The following KDM3B variants were observed in gnomAD, a reference collection of about 807,000 sequenced individuals.
KDM3B encodes the protein lysine demethylase 3B, also known as lysine-specific demethylase 3B.
In KDM3B, 10 loss-of-function variants were observed where a neutral mutation model predicts 170.0. The ratio of observed to expected loss-of-function variants is 0.06; its 90% CI spans 0.04 to 0.10. KDM3B has a LOEUF of 0.10. Ranked by LOEUF, KDM3B falls within the 10% of genes least tolerant of loss-of-function variation. KDM3B has a pLI of 1.00. For synonymous variants in KDM3B, 831 were observed against 834.8 expected, an observed-to-expected ratio of 1.00 and a Z score of 0.08; for missense variants, 1,394 against 2,195.2, an observed-to-expected ratio of 0.64 and a Z score of 7.29.
chr5:138,391,529 C>G lies in KDM3B; in HGVS notation c.1897C>G (p.Pro633Ala), dbSNP rs751487871. Residue 633 changes from proline (P) to alanine (A), a missense_variant, in exon 8 of 24, where the codon CCT becomes GCT. By Grantham distance (27) the Pro-to-Ala change is conservative. Around this residue, in one of 19 missense-constraint regions of KDM3B, gnomAD observed 294 missense variants for 311.7 expected, o/e 0.94. Transcript: ENST00000314358. The surrounding 1 kb of genome is among the most constrained non-coding windows in gnomAD (Gnocchi z 5.0). ...LQPPKLSREE[P>A]SNPFLAFVEK... ...GCCCCCCAAATTGTCCCGAGAAGAG[C>G]CTTCTAATCCTTTCCTGGCATTTGT... 1 of 1,613,908 alleles carries G rather than the reference C, an allele frequency of 6.2e-7. No homozygotes were observed. The highest frequency in any genetic ancestry group is 1.7e-5 in the Admixed American group (1 of 59,994).
In KDM3B at chr5:138,391,173, A is replaced by G; in HGVS notation, c.1541A>G (p.Glu514Gly). The change falls in exon 8 of 24, where the codon GAG becomes GGG. Residue 514 changes from glutamate to glycine, a missense_variant. Transcript: ENST00000314358. The surrounding 1 kb of genome is among the most constrained non-coding windows in gnomAD (Gnocchi z 5.0). Reference sequence around the variant, plus strand: ...TCTTTTGGCTGTAGCTCTGCACAAGAGGCACAGAAAGACACTGATCTCTCC... The same window carrying G: ...TCTTTTGGCTGTAGCTCTGCACAAGGGGCACAGAAAGACACTGATCTCTCC... ...GFSFGCSSAQ[E>G]AQKDTDLSKN... The G allele has an allele frequency of 6.2e-7, 1 of 1,614,168 alleles. No homozygotes were observed. Among genetic ancestry groups the G allele is most frequent in the Non-Finnish European group, 8.5e-7 (1 of 1,180,012 alleles).
At chr5:138,431,366 C>G (rs1448571078) in intron 22 of KDM3B, 59 bp from the exon 23 acceptor site, 1 of 1,387,036 alleles carries the variant, frequency 7.2e-7, no homozygotes, top group Non-Finnish European at 9.7e-7. Context: ...TGGACATTTT[C>G]CATATGTTAT....
rs746437454 is a variant in KDM3B at position 138,429,817 on chromosome 5, T to C, written c.4754-9T>C. On this transcript the variant is annotated splice_polypyrimidine_tract_variant and intron_variant, in intron 20 of 23. Coordinates refer to ENST00000314358, the MANE Select transcript of KDM3B (RefSeq NM_016604.4). ...GACTACATTGAAAGTGTCATTTTGCTCTTTTCAGAGGTACTCAAGACAATT... is the reference window on the plus strand; with the variant it reads ...GACTACATTGAAAGTGTCATTTTGCCCTTTTCAGAGGTACTCAAGACAATT... The C allele has an allele frequency of 1.9e-6, 3 of 1,613,540 alleles. No individual in the cohort carries two copies. Among genetic ancestry groups the C allele is most frequent in the Non-Finnish European group, 2.5e-6 (3 of 1,179,606 alleles).
intron 20 of KDM3B, 117 bp downstream of exon 20, chr5:138,428,203 C>CTT: frequency 2.9e-6 from 3 of 1,030,480 alleles, no homozygotes; most frequent in South Asian, 3.6e-5. Flanking sequence ...TTTCTTTTTT[C>CTT]TGTTTTTTTT....
At position 138,395,673 on chromosome 5, in the gene KDM3B, A is replaced by G. The variant is rs146405697; in HGVS notation, c.2831+2301A>G. On this transcript the variant is annotated intron_variant, in intron 9 of 23. Coordinates refer to ENST00000314358, the MANE Select transcript of KDM3B (RefSeq NM_016604.4). ...GCCCTGTTGCCCAGGCTGGAGTGCA[A>G]TGGCGTGGTCTTGGCTCACTGCAAC... Among the ~76,000 whole-genome samples the G allele has an allele frequency of 9.6e-3, 1,450 of 151,636 alleles. 31 individuals carry two copies. The highest frequency in any genetic ancestry group is 0.033 in the African/African-American group (1,359 of 41,354).
At chr5:138,387,892 T>A (rs546017574) in intron 7 of KDM3B, among the ~76,000 whole-genome samples, 1 of 152,026 alleles carries the variant, frequency 6.6e-6, no homozygotes, top group Non-Finnish European at 1.5e-5. Flanking sequence ...CCATCCTGGC[T>A]AACACGGTGA....
At chr5:138,382,167 G>A (rs1056578061) in intron 6 of KDM3B, among the ~76,000 whole-genome samples, 4 of 152,166 alleles carry the variant, frequency 2.6e-5, no homozygotes, top group Non-Finnish European at 5.9e-5. Flanking sequence ...AGCTCTCTGG[G>A]CCAGGTGCAG....
rs1580866566 is a variant in KDM3B at position 138,353,045 on chromosome 5, T to TC, written c.192+62dup. 6.5e-6 allele frequency: 3 copies of TC among 462,758 alleles called. No individual in the cohort carries two copies. In the East Asian group the frequency reaches 4.7e-4, roughly 73 times the overall value. The allele number at this position is 462,758 out of a possible 1,614,324, so 28.7% of individuals were successfully genotyped here. A position where few individuals can be genotyped will look rare whatever the true frequency, so the allele number is the denominator to read the frequency against. On this transcript the variant is annotated intron_variant, in intron 1 of 23. Coordinates refer to ENST00000314358, the MANE Select transcript of KDM3B (RefSeq NM_016604.4). ...GGGGCTGCGGGGCCTGCGGGCGGCC[T>TC]CCCCGGGGGCCTTTGTGAGGGGGCG...
chr5:138,386,537 C>T lies in KDM3B; in HGVS notation c.1296C>T (p.Asn432=), dbSNP rs1762268057. The T allele has an allele frequency of 6.2e-6, 10 of 1,614,090 alleles. No individual in the cohort carries two copies. Among genetic ancestry groups the T allele is most frequent in the Non-Finnish European group, 8.5e-6 (10 of 1,180,040 alleles). ...AVVTTASSTP[N]TVRISDTGLA... ...TCACTACCGCCAGCTCCACCCCAAACACAGTGAGGATCTCAGACACTGGCC... is the reference window on the plus strand; with the variant it reads ...TCACTACCGCCAGCTCCACCCCAAATACAGTGAGGATCTCAGACACTGGCC... The change falls in exon 7 of 24, where the codon AAC becomes AAT. Residue 432 remains asparagine, a synonymous_variant. Transcript: ENST00000314358.
At position 138,391,509 on chromosome 5, in the gene KDM3B, C is replaced by A; in HGVS notation, c.1877C>A (p.Pro626His). 1.9e-6 allele frequency: 3 copies of A among 1,614,074 alleles called. No individual in the cohort carries two copies. Among genetic ancestry groups the A allele is most frequent in the Non-Finnish European group, 2.5e-6 (3 of 1,180,024 alleles). Residue 626 changes from proline (P) to histidine (H), a missense_variant, in exon 8 of 24, where the codon CCC becomes CAC. Physicochemically the swap from Pro to His is moderately conservative, Grantham distance 77. Around this residue, in one of 19 missense-constraint regions of KDM3B, gnomAD observed 294 missense variants for 311.7 expected, o/e 0.94. Coordinates refer to ENST00000314358, the MANE Select transcript of KDM3B (RefSeq NM_016604.4). This position sits in a 1 kb window ranked among gnomAD's most constrained non-coding sequence, Gnocchi z 5.0. ...ENHENLFLQP[P>H]KLSREEPSNP... ...CATGAAAATCTATTTTTACAGCCCCCCAAATTGTCCCGAGAAGAGCCTTCT... is the reference window on the plus strand; with the variant it reads ...CATGAAAATCTATTTTTACAGCCCCACAAATTGTCCCGAGAAGAGCCTTCT...
At chr5:138,362,889 C>T (rs1000353327) in intron 1 of KDM3B, among the ~76,000 whole-genome samples, 5 of 149,458 alleles carry the variant, frequency 3.3e-5, no homozygotes, top group Non-Finnish European at 7.4e-5. Context: ...TCCCCTCTCC[C>T]CCCAATAATT....
Position 138,386,263 on chromosome 5 carries a change from A to C in KDM3B, c.1022A>C (p.Gln341Pro). 6.2e-7 allele frequency: 1 copy of C among 1,614,210 alleles called. No homozygotes were observed. Among genetic ancestry groups the C allele is most frequent in the Non-Finnish European group, 8.5e-7 (1 of 1,180,034 alleles). ...CCAGGGCTGGATCAGAGAGCCAAGC[A>C]GCCACCGTCTACATTTGTCCCCCAG... is the stretch of plus-strand genomic sequence containing the variant. ...GEPGLDQRAK[Q>P]PPSTFVPQIN... The change falls in exon 7 of 24, where the codon CAG (glutamine) becomes CCG (proline). Residue 341 changes from glutamine (Q) to proline (P), a missense_variant. Physicochemically the swap from Gln to Pro is moderately conservative, Grantham distance 76. Transcript: ENST00000314358.
At chr5:138,410,823 GAGAA>G (rs1762947595) in intron 11 of KDM3B, among the ~76,000 whole-genome samples, 1 of 152,166 alleles carries the variant, frequency 6.6e-6, no homozygotes, top group Non-Finnish European at 1.5e-5. Context: ...AGGAGACAAA[GAGAA>G]AGACAGCTTA....
chr5:138,384,897 G>A (rs1247082877), intron 6 of KDM3B, among the ~76,000 whole-genome samples: 1 of 144,862 alleles, frequency 6.9e-6, no homozygotes, highest in African/African-American at 2.5e-5. Flanking sequence ...CTGGGCAACA[G>A]AGCAAGACTC....
chr5:138,424,477 T>C, intron 16 of KDM3B, 136 bp downstream of exon 16: 1 of 1,054,786 alleles, frequency 9.5e-7, no homozygotes, highest in South Asian at 1.7e-5. Flanking sequence ...CTACTTCGAG[T>C]TGTCTTGGAT....
At chr5:138,427,934 C>CCTT (rs747487073) in intron 19 of KDM3B, 33 bp from the exon 20 acceptor site, 1 of 1,603,320 alleles carries the variant, frequency 6.2e-7, no homozygotes, top group South Asian at 1.1e-5. Flanking sequence ...AAATATTGGC[C>CCTT]CTTCACCTTG....
At chr5:138,400,141 G>A in intron 11 of KDM3B, 129 bp downstream of exon 11, 6 of 876,376 alleles carry the variant, frequency 6.8e-6, no homozygotes, top group South Asian at 2.1e-5. Flanking sequence ...ATTCAACTTT[G>A]TTGTATTTTA....
At chr5:138,413,727 A>G (rs1485071836) in intron 11 of KDM3B, among the ~76,000 whole-genome samples, 2 of 151,282 alleles carry the variant, frequency 1.3e-5, no homozygotes, top group East Asian at 2.0e-4. Flanking sequence ...TCCGCCTCCC[A>G]GGCTCAAACA....
intron 16 of KDM3B, among the ~76,000 whole-genome samples, chr5:138,424,744 A>C (rs1167691808): frequency 1.3e-5 from 2 of 152,306 alleles, no homozygotes; most frequent in Admixed American, 1.3e-4. Context: ...ATACCACTAC[A>C]TTCCAGCCTG....
Sources: gnomAD v4.1 joint callset for allele counts (sites outside exome capture counted in the v4.1 genomes callset) on GRCh38, gnomAD v4.1.1 for gene constraint, gnomAD v4.1.1 regional missense constraint, Gnocchi (gnomAD v3.1) non-coding constraint, MANE v1.5 for transcripts, NCBI Gene and HGNC (gene_info 2026-07-23, HGNC 2026-07-21) for gene names.